Variants in CIMIP1 observed in about 807,000 individuals in gnomAD.
CIMIP1 encodes the protein low in lung cancer 1.
chr20:58,152,353 A>G, the CIMIP1 span, among the ~76,000 whole-genome samples: 1 of 151,884 alleles, frequency 6.6e-6, no homozygotes, highest in Admixed American at 6.6e-5. Flanking sequence ...GCTACCTAAC[A>G]CTTAAATTGT....
the CIMIP1 span, among the ~76,000 whole-genome samples, chr20:58,158,661 A>C: frequency 1.3e-5 from 2 of 152,172 alleles, no homozygotes; most frequent in Admixed American, 6.5e-5. Context: ...AAAAAAAAAA[A>C]ATGGTAGCTG....
chr20:58,152,921 G>A, the CIMIP1 span, among the ~76,000 whole-genome samples: 1 of 152,130 alleles, frequency 6.6e-6, no homozygotes, highest in Non-Finnish European at 1.5e-5. Context: ...GTGGGGTAGG[G>A]ATATGCTGAT....
At chr20:58,157,436 C>T in the CIMIP1 span, among the ~76,000 whole-genome samples, 5 of 152,204 alleles carry the variant, frequency 3.3e-5, no homozygotes, top group Non-Finnish European at 5.9e-5. Context: ...TTCATGTATA[C>T]GTATATACAC....
chr20:58,160,601 G>GCT, the CIMIP1 span: 1 of 1,551,706 alleles, frequency 6.4e-7, no homozygotes, highest in South Asian at 1.2e-5. Flanking sequence ...ACATGCCGAT[G>GCT]CTGGGTGCCT....
the CIMIP1 span, among the ~76,000 whole-genome samples, chr20:58,159,858 T>C: frequency 6.6e-6 from 1 of 152,232 alleles, no homozygotes; most frequent in African/African-American, 2.4e-5. Context: ...CAAGAACATA[T>C]GCTAAGGGGT....
chr20:58,151,821 T>C, the CIMIP1 span, among the ~76,000 whole-genome samples: 1 of 152,242 alleles, frequency 6.6e-6, no homozygotes, highest in African/African-American at 2.4e-5. Context: ...ATATTTTAAC[T>C]TTAAAGATAC....
chr20:58,155,648 T>C, the CIMIP1 span: 1 of 1,159,150 alleles, frequency 8.6e-7, no homozygotes, highest in Non-Finnish European at 1.3e-6. Flanking sequence ...TGGAAACTGA[T>C]GGCTCCAGAT....
At chr20:58,157,230 G>A in the CIMIP1 span, among the ~76,000 whole-genome samples, 1 of 152,056 alleles carries the variant, frequency 6.6e-6, no homozygotes, top group African/African-American at 2.4e-5. Context: ...GCCGCTCACC[G>A]TGGTGACTGC....
the CIMIP1 span, among the ~76,000 whole-genome samples, chr20:58,157,141 T>C: frequency 6.6e-6 from 1 of 152,158 alleles, no homozygotes; most frequent in Non-Finnish European, 1.5e-5. Flanking sequence ...TTGGGGGTGC[T>C]CCTTCCAGAG....
chr20:58,159,465 A>G, the CIMIP1 span, among the ~76,000 whole-genome samples: 1 of 151,500 alleles, frequency 6.6e-6, no homozygotes, highest in African/African-American at 2.4e-5. Context: ...CAGTGAACTG[A>G]GATTGCGCCA....
the CIMIP1 span, among the ~76,000 whole-genome samples, chr20:58,157,963 C>T: frequency 6.6e-4 from 100 of 152,326 alleles, no homozygotes; most frequent in African/African-American, 2.3e-3. Context: ...GGCATGGGAT[C>T]TGCTTAGTGT....
chr20:58,154,036 G>A, the CIMIP1 span, among the ~76,000 whole-genome samples: 1 of 152,222 alleles, frequency 6.6e-6, no homozygotes, highest in Non-Finnish European at 1.5e-5. Flanking sequence ...GTCCTCACCT[G>A]CCTAACTGAG....
the CIMIP1 span, among the ~76,000 whole-genome samples, chr20:58,156,422 C>T: frequency 2.6e-5 from 4 of 151,712 alleles, no homozygotes; most frequent in Non-Finnish European, 4.4e-5. Flanking sequence ...CAAGGCAAGG[C>T]GATGCGACAG....
chr20:58,155,842 A>G, the CIMIP1 span, among the ~76,000 whole-genome samples: 1 of 152,214 alleles, frequency 6.6e-6, no homozygotes, highest in Admixed American at 6.5e-5. Flanking sequence ...GCGTTCTTTC[A>G]GCAAACATTT....
At chr20:58,155,585 A>C in the CIMIP1 span, 1 of 1,594,398 alleles carries the variant, frequency 6.3e-7, no homozygotes, top group South Asian at 1.1e-5. Context: ...AAACGTTTTT[A>C]AATACTCATT....
At chr20:58,157,342 TC>T in the CIMIP1 span, among the ~76,000 whole-genome samples, 3 of 152,206 alleles carry the variant, frequency 2.0e-5, no homozygotes, top group South Asian at 6.2e-4. Context: ...AAAGCTGAAT[TC>T]CTTTCTCTGG....
chr20:58,158,789 G>A, the CIMIP1 span, among the ~76,000 whole-genome samples: 1 of 152,050 alleles, frequency 6.6e-6, no homozygotes, highest in African/African-American at 2.4e-5. Flanking sequence ...CTGATGAGAT[G>A]CCTCCCTCCC....
At chr20:58,157,220 G>T in the CIMIP1 span, among the ~76,000 whole-genome samples, 9 of 151,994 alleles carry the variant, frequency 5.9e-5, no homozygotes, top group African/African-American at 2.2e-4. Context: ...TTATCTCTTA[G>T]CCGCTCACCG....
the CIMIP1 span, chr20:58,155,337 C>T: frequency 1.5e-6 from 1 of 666,266 alleles, no homozygotes; most frequent in Non-Finnish European, 2.6e-6. Context: ...ATAAAATGCG[C>T]CTTCTAGGGG....
Sources: gnomAD v4.1 joint callset for allele counts (sites outside exome capture counted in the v4.1 genomes callset) on GRCh38, gnomAD v4.1.1 for gene constraint, MANE v1.5 for transcripts, NCBI Gene and HGNC (gene_info 2026-07-23, HGNC 2026-07-21) for gene names.